Variants in C1RL observed in about 807,000 individuals in gnomAD.
C1RL encodes the protein complement C1r subcomponent like, also known as complement C1r subcomponent-like protein.
C1RL carries 27 observed loss-of-function variants against 27.9 expected under a neutral mutation model. That is an observed-to-expected ratio of 0.97 (90% CI 0.71 to 1.33). The LOEUF (loss-of-function observed/expected upper bound fraction) is 1.33. Among genes scored for constraint, C1RL ranks in the 40% most tolerant of loss-of-function variants. The pLI is 0.00. For synonymous variants in C1RL, 248 were observed against 252.1 expected, an observed-to-expected ratio of 0.98 and a Z score of 0.15; for missense variants, 563 against 623.9, an observed-to-expected ratio of 0.90 and a Z score of 1.04.
At chr12:7,108,626 C>T (rs1265763109) in intron 1 of C1RL, 147 bp from the exon 2 acceptor site, 1 of 622,324 alleles carries the variant, frequency 1.6e-6, no homozygotes, top group Non-Finnish European at 2.8e-6. Flanking sequence ...GGCCCGGGCA[C>T]TTCCCGTCTC....
rs758841159 is a variant in C1RL at position 7,108,405 on chromosome 12, G to C, written c.146C>G (p.Pro49Arg). ...GTACCCGGGGGATGTCAGCTGCTGG[G>C]GTAGCTCTTGGGCCAAGAGGACGGA... The part of the protein sequence containing the change: ...RGSVLLAQEL[P>R]QQLTSPGYPE... Residue 49 changes from proline to arginine, a missense_variant, in exon 2 of 6, where the codon CCC (proline) becomes CGC (arginine). Transcript: ENST00000266542. The C allele has an allele frequency of 6.2e-7, 1 of 1,614,012 alleles. No homozygotes were observed. The highest frequency in any genetic ancestry group is 8.5e-7 in the Non-Finnish European group (1 of 1,179,944).
intron 2 of C1RL, among the ~76,000 whole-genome samples, chr12:7,103,602 A>G (rs927845203): frequency 2.0e-5 from 3 of 152,156 alleles, no homozygotes; most frequent in Non-Finnish European, 2.9e-5. Flanking sequence ...TTCCTTTAAC[A>G]CATTTACTGG....
Position 7,095,072 on chromosome 12 carries a change from T to C in C1RL, c.*1319A>G. 8.5e-7 allele frequency: 1 copy of C among 1,176,680 alleles called. No homozygotes were observed. Among genetic ancestry groups the C allele is most frequent in the Non-Finnish European group, 1.1e-6 (1 of 940,272 alleles). The allele number at this position is 1,176,680 out of a possible 1,614,324, so 72.9% of individuals were successfully genotyped here. A position where few individuals can be genotyped will look rare whatever the true frequency, so the allele number is the denominator to read the frequency against. On this transcript the variant is annotated 3_prime_UTR_variant, in exon 6 of 6. Transcript: ENST00000266542. ...TATGGTGTTTATTTTCTATTTCCAT[T>C]GAACAGTTGTATTTTATTTGTGTCT...
Position 7,096,540 on chromosome 12 carries a change from C to A in C1RL, c.1315G>T (p.Val439Phe), listed in dbSNP as rs138873491. 3.1e-6 allele frequency: 5 copies of A among 1,614,172 alleles called. No homozygotes were observed. Among genetic ancestry groups the A allele is most frequent in the Non-Finnish European group, 4.2e-6 (5 of 1,180,030 alleles). Residue 439 changes from valine (V) to phenylalanine (F), a missense_variant, in exon 6 of 6, where the codon GTC becomes TTC. Val to Phe is a conservative substitution (Grantham distance 50, BLOSUM62 -1). Coordinates refer to ENST00000266542, the MANE Select transcript of C1RL (RefSeq NM_016546.4). ...HSVCQGDSGSVYVVWDNHAHH... is the reference protein window; with the variant it reads ...HSVCQGDSGSFYVVWDNHAHH... Reference sequence around the variant, plus strand: ...GCATGATTGTCCCATACCACATAGACGCTGCCACTGTCCCCCTGGCAGACA... The same window carrying A: ...GCATGATTGTCCCATACCACATAGAAGCTGCCACTGTCCCCCTGGCAGACA...
At chr12:7,101,791 G>C in intron 3 of C1RL, 107 bp downstream of exon 3, 1 of 1,226,160 alleles carries the variant, frequency 8.2e-7, no homozygotes, top group African/African-American at 1.5e-5. Flanking sequence ...GTGTCCCTGA[G>C]TCCCCAGCCT....
Position 7,096,122 on chromosome 12 carries a change from G to T in C1RL, c.*269C>A. The T allele has an allele frequency of 8.1e-7, 1 of 1,234,442 alleles. No individual in the cohort carries two copies. The highest frequency in any genetic ancestry group is 2.8e-5 in the South Asian group (1 of 36,040). 76.5% of individuals were successfully genotyped at this position (1,234,442 alleles called of 1,614,324 possible). On this transcript the variant is annotated 3_prime_UTR_variant, in exon 6 of 6. Transcript: ENST00000266542. The stretch of plus-strand genomic sequence containing the variant: ...AGGCGAAAGTTGTTGAGATGTACAG[G>T]CTTCCCGGGGCCTAGTGCATGAGCA...
In C1RL at chr12:7,096,616, C is replaced by T. The variant is rs946065897; in HGVS notation, c.1239G>A (p.Glu413=). ...CACAGAACATATTGTCAGAAAACACCTCGGGTCTCTGTCTCTTTTGGAGCC... is the reference window on the plus strand; with the variant it reads ...CACAGAACATATTGTCAGAAAACACTTCGGGTCTCTGTCTCTTTTGGAGCC... ...NAWLQKRQRP[E]VFSDNMFCVG... Residue 413 remains glutamate (E), a synonymous_variant, in exon 6 of 6, where the codon GAG becomes GAA. Coordinates refer to ENST00000266542, the MANE Select transcript of C1RL (RefSeq NM_016546.4). The T allele has an allele frequency of 6.2e-7, 1 of 1,614,146 alleles. No homozygotes were observed. Among genetic ancestry groups the T allele is most frequent in the Admixed American group, 1.7e-5 (1 of 60,020 alleles).
Position 7,096,594 on chromosome 12 carries a change from A to G in C1RL, c.1261T>C (p.Cys421Arg). The stretch of plus-strand genomic sequence containing the variant: ...TGCCTTTGCGTCTCATCCCCAACAC[A>G]GAACATATTGTCAGAAAACACCTCG... ...RPEVFSDNMFCVGDETQRHSV... is the reference protein window; with the variant it reads ...RPEVFSDNMFRVGDETQRHSV... The change falls in exon 6 of 6, where the codon TGT becomes CGT. Residue 421 changes from cysteine to arginine, a missense_variant. Physicochemically the swap from Cys to Arg is radical, Grantham distance 180. Transcript: ENST00000266542. The G allele has an allele frequency of 6.2e-7, 1 of 1,614,062 alleles. No individual in the cohort carries two copies.
Position 7,094,810 on chromosome 12 carries a change from C to A in C1RL, c.*1581G>T. 2 of 961,418 alleles carry A rather than the reference C, an allele frequency of 2.1e-6. No individual in the cohort carries two copies. Among genetic ancestry groups the A allele is most frequent in the Non-Finnish European group, 2.5e-6 (2 of 807,658 alleles). 59.6% of individuals were successfully genotyped at this position (961,418 alleles called of 1,614,324 possible). On this transcript the variant is annotated 3_prime_UTR_variant, in exon 6 of 6. Coordinates refer to ENST00000266542, the MANE Select transcript of C1RL (RefSeq NM_016546.4). Reference sequence around the variant, plus strand: ...CTTAGGCTGGACTTCAACTCCTGGGCTCAAGCGATCCTCTTGCATCAGCCT... The same window carrying A: ...CTTAGGCTGGACTTCAACTCCTGGGATCAAGCGATCCTCTTGCATCAGCCT...
intron 3 of C1RL, 32 bp from the exon 4 acceptor site, chr12:7,100,058 C>T (rs747944572): frequency 3.2e-6 from 5 of 1,584,084 alleles, no homozygotes; most frequent in Non-Finnish European, 4.3e-6. Flanking sequence ...CACAGACTTG[C>T]CAACTGGCAA....
At chr12:7,100,848 GGGAT>G (rs1475675520) in intron 3 of C1RL, among the ~76,000 whole-genome samples, 1 of 151,984 alleles carries the variant, frequency 6.6e-6, no homozygotes, top group African/African-American at 2.4e-5. Context: ...CATATGGAAT[GGGAT>G]GATCTTTAAG....
chr12:7,102,368 T>G lies in C1RL; in HGVS notation c.301-281A>C, dbSNP rs142348712. ...TATTTTCCTTCTTTTAAGAAGTTCC[T>G]TGGGAACACCAGGGTTCCCATGGGA... is the stretch of plus-strand genomic sequence containing the variant. On this transcript the variant is annotated intron_variant, in intron 2 of 5. Transcript: ENST00000266542. Among the ~76,000 whole-genome samples the G allele has an allele frequency of 1.9e-3, 293 of 152,352 alleles. 2 individuals carry two copies. The highest frequency in any genetic ancestry group is 6.7e-3 in the African/African-American group (277 of 41,578).
rs778515387 is a variant in C1RL at position 7,096,407 on chromosome 12, A to T, written c.1448T>A (p.Met483Lys). 6.2e-7 allele frequency: 1 copy of T among 1,606,856 alleles called. No individual in the cohort carries two copies. Among genetic ancestry groups the T allele is most frequent in the East Asian group, 2.2e-5 (1 of 44,724 alleles). ...LSYVDWIKGVMNGKN is the reference protein window; with the variant it reads ...LSYVDWIKGVKNGKN ...CCCCCAGGGTCAATTCTTGCCATTCATCACTCCCTTGATCCAGTCCACATA... is the reference window on the plus strand; with the variant it reads ...CCCCCAGGGTCAATTCTTGCCATTCTTCACTCCCTTGATCCAGTCCACATA... Residue 483 changes from methionine (M) to lysine (K), a missense_variant, in exon 6 of 6, where the codon ATG becomes AAG. Physicochemically the swap from Met to Lys is moderately conservative, Grantham distance 95. Coordinates refer to ENST00000266542, the MANE Select transcript of C1RL (RefSeq NM_016546.4).
intron 2 of C1RL, among the ~76,000 whole-genome samples, chr12:7,106,378 CCT>C (rs1427000393): frequency 6.6e-6 from 1 of 152,016 alleles, no homozygotes; most frequent in Non-Finnish European, 1.5e-5. Context: ...TCTAAAATAC[CCT>C]TTCTAAGGAA....
chr12:7,103,948 A>G (rs765513599), intron 2 of C1RL, among the ~76,000 whole-genome samples: 3 of 152,356 alleles, frequency 2.0e-5, no homozygotes, highest in Non-Finnish European at 4.4e-5. Context: ...GAAGCAATAA[A>G]TGCATGCATA....
rs536650692 is a variant in C1RL, at chr12:7,096,108, G to A, written c.*283C>T. 3 of 1,189,094 alleles carry A rather than the reference G, an allele frequency of 2.5e-6. No homozygotes were observed. Among genetic ancestry groups the A allele is most frequent in the Non-Finnish European group, 3.1e-6 (3 of 959,170 alleles). 73.7% of individuals were successfully genotyped at this position (1,189,094 alleles called of 1,614,324 possible). ...TCTAAGGACATTCAAGGCGAAAGTT[G>A]TTGAGATGTACAGGCTTCCCGGGGC... On this transcript the variant is annotated 3_prime_UTR_variant, in exon 6 of 6. Transcript: ENST00000266542.
At chr12:7,106,265 A>G (rs1938760893) in intron 2 of C1RL, among the ~76,000 whole-genome samples, 1 of 152,246 alleles carries the variant, frequency 6.6e-6, no homozygotes, top group Non-Finnish European at 1.5e-5. Context: ...ATTCTGGAAG[A>G]AAAAGGTTTC....
rs192526191 is a variant in C1RL at position 7,096,541 on chromosome 12, G to A, written c.1314C>T (p.Ser438=). The A allele has an allele frequency of 1.1e-5, 17 of 1,614,144 alleles. No individual in the cohort carries two copies. Among genetic ancestry groups the A allele is most frequent in the Non-Finnish European group, 1.4e-5 (16 of 1,180,032 alleles). Residue 438 remains serine (S), a synonymous_variant, in exon 6 of 6, where the codon AGC becomes AGT. Coordinates refer to ENST00000266542, the MANE Select transcript of C1RL (RefSeq NM_016546.4). ...RHSVCQGDSG[S]VYVVWDNHAH... is the part of the protein sequence containing the mutation. ...CATGATTGTCCCATACCACATAGAC[G>A]CTGCCACTGTCCCCCTGGCAGACAC...
At chr12:7,101,531 A>G (rs1591598266) in intron 3 of C1RL, 2 of 285,924 alleles carry the variant, frequency 7.0e-6, no homozygotes, top group East Asian at 1.3e-4. Flanking sequence ...TGGCCTTCCA[A>G]AGTGCTGGGA....
Sources: gnomAD v4.1 joint callset for allele counts (sites outside exome capture counted in the v4.1 genomes callset) on GRCh38, gnomAD v4.1.1 for gene constraint, MANE v1.5 for transcripts, NCBI Gene and HGNC (gene_info 2026-07-23, HGNC 2026-07-21) for gene names.